NOTCH2NLR: variants seen among roughly 807,000 people sequenced by gnomAD.
NOTCH2NLR encodes the protein notch 2 N-terminal like R (pseudogene).
In NOTCH2NLR, 33 loss-of-function variants were observed where a neutral mutation model predicts 35.6. That is an observed-to-expected ratio of 0.93 (90% confidence interval 0.70 to 1.24). The LOEUF is 1.24. NOTCH2NLR is among the 50% of genes most tolerant of loss of function. NOTCH2NLR has a pLI of 0.00. For missense variants in NOTCH2NLR, 276 were observed against 362.2 expected (o/e 0.76, Z 1.93); for synonymous variants, 103 against 141.0 (o/e 0.73, Z 1.91).
At chr1:120,781,626 C>T (rs1316115432) in intron 2 of NOTCH2NLR, among the ~76,000 whole-genome samples, 1 of 50,322 alleles carries the variant, frequency 2.0e-5, no homozygotes, top group Non-Finnish European at 3.3e-5. Flanking sequence ...TGCAGTGGCG[C>T]GATCTTGGCT....
At chr1:120,777,676 A>AG (rs1361351086) in intron 2 of NOTCH2NLR, among the ~76,000 whole-genome samples, 1,347 of 67,230 alleles carry the variant, frequency 0.02, 137 homozygotes, top group South Asian at 0.051. Flanking sequence ...TTTTGAGAGA[A>AG]GGGGGGGTTG....
downstream of NOTCH2NLR, among the ~76,000 whole-genome samples, chr1:120,794,187 A>G (rs1651529289): frequency 8.6e-6 from 1 of 116,524 alleles, no homozygotes; most frequent in Non-Finnish European, 1.6e-5. Flanking sequence ...CACTGATACA[A>G]GTGTTGTAGA....
At chr1:120,779,727 C>G (rs1431860557) in intron 2 of NOTCH2NLR, among the ~76,000 whole-genome samples, 1 of 122,150 alleles carries the variant, frequency 8.2e-6, no homozygotes, top group Non-Finnish European at 1.7e-5. Flanking sequence ...TTTTCACTCT[C>G]TAACCAAATT....
intron 2 of NOTCH2NLR, among the ~76,000 whole-genome samples, chr1:120,764,410 A>G (rs1651167580): frequency 1.1e-5 from 1 of 94,478 alleles, no homozygotes; most frequent in African/African-American, 6.7e-5. Flanking sequence ...AGTATATGTG[A>G]ATATTATATT....
intron 1 of NOTCH2NLR, among the ~76,000 whole-genome samples, chr1:120,755,197 C>CAGT (rs2101389775): frequency 1.1e-5 from 1 of 89,562 alleles, no homozygotes; most frequent in East Asian, 2.6e-4. Context: ...ACATCTGTAT[C>CAGT]AGTGGGTCTC....
At chr1:120,724,511 G>A (rs1650795010) in intron 1 of NOTCH2NLR, among the ~76,000 whole-genome samples, 2 of 120,296 alleles carry the variant, frequency 1.7e-5, no homozygotes, top group South Asian at 4.8e-4. Context: ...GAGGGAGGCC[G>A]GCAGCAAGTC....
intron 1 of NOTCH2NLR, 106 bp from the exon 2 acceptor site, chr1:120,763,522 A>T (rs1651155622): frequency 4.0e-6 from 2 of 504,552 alleles, no homozygotes; most frequent in Non-Finnish European, 6.9e-6. Flanking sequence ...AAAGAAACCC[A>T]GATTAGGTGG....
At chr1:120,752,557 TTTTTTTTTTTTTTTTTTC>T (rs1651033980) in intron 1 of NOTCH2NLR, among the ~76,000 whole-genome samples, 1 of 21,094 alleles carries the variant, frequency 4.7e-5, no homozygotes, top group Non-Finnish European at 7.3e-5. Flanking sequence ...TATATATATT[TTTTTTTTTTTTTTTTTTC>T]TTTTTTTTTT....
Position 120,783,651 on chromosome 1 carries a change from T to G in NOTCH2NLR, c.156-1323T>G, listed in dbSNP as rs1399058718. ...GGGACTGGAACAGTGTATTTTGGAGTCAGTTACAGGAAGGAAGTTGTTTAA... is the reference window on the plus strand; with the variant it reads ...GGGACTGGAACAGTGTATTTTGGAGGCAGTTACAGGAAGGAAGTTGTTTAA... On this transcript the variant is annotated intron_variant, in intron 2 of 4. Transcript: ENST00000624419. Among the ~76,000 whole-genome samples the G allele has an allele frequency of 3.6e-5, 4 of 109,964 alleles. 1 individual carries two copies. The East Asian group carries it at 6.7e-4, about 18-fold the overall frequency. 72.1% of individuals were successfully genotyped at this position (109,964 alleles called of 152,430 possible).
intron 1 of NOTCH2NLR, among the ~76,000 whole-genome samples, chr1:120,758,136 A>G (rs1651094256): frequency 8.1e-6 from 1 of 123,870 alleles, no homozygotes; most frequent in African/African-American, 3.9e-5. Context: ...CGATCTGTTC[A>G]GGAAAGAGGG....
chr1:120,772,476 C>G (rs1181106310), intron 2 of NOTCH2NLR, among the ~76,000 whole-genome samples: 4 of 50,554 alleles, frequency 7.9e-5, no homozygotes, highest in African/African-American at 2.0e-4. Flanking sequence ...TTTTCTAGAT[C>G]CTATTTATTC....
intron 2 of NOTCH2NLR, among the ~76,000 whole-genome samples, chr1:120,770,255 C>T (rs1182719791): frequency 9.6e-6 from 1 of 104,372 alleles, no homozygotes; most frequent in Non-Finnish European, 1.8e-5. Context: ...CTGCAAGCTC[C>T]GCCTCCCGGG....
In NOTCH2NLR at chr1:120,793,381, C is replaced by T; in HGVS notation, c.636C>T (p.Gly212=). ...CCTACCAGTGCCAGTGCCTTCAGGG[C>T]TTCACAGGCCAGTACTGTGACAGAC... is the stretch of plus-strand genomic sequence containing the variant. Residue 212 remains glycine, a synonymous_variant, in exon 4 of 5, where the codon GGC becomes GGT. Transcript: ENST00000624419. 5 of 1,434,430 alleles carry T rather than the reference C, an allele frequency of 3.5e-6. 1 individual carries two copies. Among genetic ancestry groups the T allele is most frequent in the African/African-American group, 2.6e-5 (1 of 37,798 alleles). The allele number at this position is 1,434,430 out of a possible 1,614,324, so 88.9% of individuals were successfully genotyped here.
downstream of NOTCH2NLR, among the ~76,000 whole-genome samples, chr1:120,794,248 G>A (rs1651530743): frequency 8.8e-6 from 1 of 113,390 alleles, no homozygotes; most frequent in Admixed American, 8.5e-5. Context: ...GTGTCGGGGA[G>A]CTTGGGGCCT....
At position 120,728,111 on chromosome 1, in the gene NOTCH2NLR, G is replaced by A. The variant is rs1165282172; in HGVS notation, c.73+3861G>A. 4.4e-4 allele frequency among the ~76,000 whole-genome samples: 51 copies of A among 116,040 alleles called. 16 individuals are homozygous for A. The highest frequency in any genetic ancestry group is 2.6e-3 in the African/African-American group (51 of 19,704). 76.1% of individuals were successfully genotyped at this position (116,040 alleles called of 152,430 possible). On this transcript the variant is annotated intron_variant, in intron 1 of 4. Coordinates refer to ENST00000624419, the Ensembl canonical transcript of NOTCH2NLR. ...TTGCTTCCATCTCGTGTACAAATGCGCTTATGTGCACAAAAACTCTTATAA... is the reference window on the plus strand; with the variant it reads ...TTGCTTCCATCTCGTGTACAAATGCACTTATGTGCACAAAAACTCTTATAA...
intron 3 of NOTCH2NLR, 96 bp downstream of exon 3, chr1:120,785,329 C>T: frequency 1.2e-6 from 1 of 822,392 alleles, no homozygotes; most frequent in Non-Finnish European, 1.9e-6. Flanking sequence ...TAAATGTCCC[C>T]CAGCTCTGGT....
At chr1:120,750,402 T>A (rs1206295370) in intron 1 of NOTCH2NLR, among the ~76,000 whole-genome samples, 1 of 86,944 alleles carries the variant, frequency 1.2e-5, no homozygotes, top group Non-Finnish European at 2.1e-5. Flanking sequence ...AGCCATAGAA[T>A]GCTTTGTAGG....
In NOTCH2NLR at chr1:120,724,104, C is replaced by T. The variant is rs1457153599; in HGVS notation, c.-74C>T. The T allele has an allele frequency of 2.2e-5, 29 of 1,336,590 alleles. 7 individuals carry two copies. Among genetic ancestry groups the T allele is most frequent in the Non-Finnish European group, 2.8e-5 (29 of 1,035,886 alleles). The allele number at this position is 1,336,590 out of a possible 1,614,324, so 82.8% of individuals were successfully genotyped here. On this transcript the variant is annotated 5_prime_UTR_variant, in exon 1 of 5. Transcript: ENST00000624419. ...AGAGAGTGGGGCTCCTCTATCGGGA[C>T]CCCCTCCCCATGTGGATCTGCCCAG...
Position 120,730,014 on chromosome 1 carries a change from G to A in NOTCH2NLR, c.73+5764G>A, listed in dbSNP as rs1238763948. Among the ~76,000 whole-genome samples, 13 of 100,400 alleles carry A rather than the reference G, an allele frequency of 1.3e-4. 3 individuals are homozygous for A. In the Middle Eastern group the frequency reaches 0.012, roughly 93 times the overall value. The allele number at this position is 100,400 out of a possible 152,430, so 65.9% of individuals were successfully genotyped here. A position where few individuals can be genotyped will look rare whatever the true frequency, so the allele number is the denominator to read the frequency against. ...GAGAAGAAAGCTGCTATGGTATAAGGTTAGTAAAGTTGTTTGTTTTGTCTT... is the reference window on the plus strand; with the variant it reads ...GAGAAGAAAGCTGCTATGGTATAAGATTAGTAAAGTTGTTTGTTTTGTCTT... On this transcript the variant is annotated intron_variant, in intron 1 of 4. Transcript: ENST00000624419.
Sources: allele counts gnomAD v4.1 joint callset (sites outside exome capture counted in the v4.1 genomes callset), GRCh38; gene constraint gnomAD v4.1.1; transcripts MANE v1.5; gene names NCBI Gene and HGNC (gene_info 2026-07-23, HGNC 2026-07-21).